ANKRD35: variants seen among roughly 807,000 people sequenced by gnomAD.
ANKRD35 encodes the protein ankyrin repeat domain-containing protein 35.
ANKRD35 carries 102 observed loss-of-function variants against 109.9 expected under a neutral mutation model. The ratio of observed to expected loss-of-function variants is 0.93; its 90% confidence interval spans 0.79 to 1.09. ANKRD35 has a LOEUF of 1.09. Ranked by LOEUF, ANKRD35 falls within the 50% of genes least tolerant of loss-of-function variation. The pLI is 0.00. For synonymous variants in ANKRD35, 515 were observed against 512.4 expected (o/e 1.01, Z -0.07); for missense variants, 1,240 against 1,230.1 (o/e 1.01, Z -0.12).
rs1653866121 is a variant in ANKRD35 at position 145,872,437 on chromosome 1, G to A, written c.2332C>T (p.Gln778Ter). Residue 778 changes from glutamine to a stop codon, truncating the protein, a stop_gained, in exon 10 of 14, where the codon CAA becomes TAA. Coordinates refer to ENST00000355594, the MANE Select transcript of ANKRD35 (RefSeq NM_144698.5). LOFTEE classifies it high-confidence loss of function. ...GTSLKAPASP[Q>*]VAALEQDLGK... is the part of the protein sequence containing the mutation. ...AGGTCTTGCTCCAGAGCGGCCACTT[G>A]GGGGGATGCTGGGGCCTTTAAGGAG... 5 of 1,611,166 alleles carry A rather than the reference G, an allele frequency of 3.1e-6. No homozygotes were observed. In the East Asian group the frequency reaches 1.1e-4, roughly 36 times the overall value.
At position 145,879,246 on chromosome 1, in the gene ANKRD35, G is replaced by A. The variant is rs781952261; in HGVS notation, c.170+12C>T. 2 of 1,591,196 alleles carry A rather than the reference G, an allele frequency of 1.3e-6. No individual in the cohort carries two copies. Among genetic ancestry groups the A allele is most frequent in the Non-Finnish European group, 1.7e-6 (2 of 1,168,522 alleles). ...CCACATGTAAGGGGCAGGGGCAGGA[G>A]GACTGACTTACGGGGACTGGCCATT... On this transcript the variant is annotated intron_variant, in intron 2 of 13. Transcript: ENST00000355594.
At chr1:145,878,082 G>A in intron 3 of ANKRD35, 50 bp from the exon 4 acceptor site, 1 of 1,526,544 alleles carries the variant, frequency 6.6e-7, no homozygotes, top group Non-Finnish European at 9.1e-7. Context: ...CATGCATGCT[G>A]ATGACTCACA....
At position 145,867,277 on chromosome 1, in the gene ANKRD35, C is replaced by T. The variant is rs1317176863; in HGVS notation, c.*43+10G>A. The T allele has an allele frequency of 4.0e-5, 62 of 1,564,274 alleles. No homozygotes were observed. In the East Asian group the frequency reaches 1.3e-3, roughly 34 times the overall value. ...ACTCCTTCCCTCATCACCCTTAACCCACAACTCACAACAGAGAATCTCGTA... is the reference window on the plus strand; with the variant it reads ...ACTCCTTCCCTCATCACCCTTAACCTACAACTCACAACAGAGAATCTCGTA... On this transcript the variant is annotated intron_variant, in intron 13 of 13. Transcript: ENST00000355594.
At position 145,870,800 on chromosome 1, in the gene ANKRD35, A is replaced by G. The variant is rs587701138; in HGVS notation, c.2787+1182T>C. 2.1e-4 allele frequency among the ~76,000 whole-genome samples: 32 copies of G among 151,744 alleles called. No homozygotes were observed. In the South Asian group the frequency reaches 2.7e-3, roughly 13 times the overall value. ...AGTGGTGCGATCTTGGCTCACTGCA[A>G]CCTCCACCTCCCAGGTTCCAGTGAT... On this transcript the variant is annotated intron_variant, in intron 10 of 13. Coordinates refer to ENST00000355594, the MANE Select transcript of ANKRD35 (RefSeq NM_144698.5).
At position 145,873,156 on chromosome 1, in the gene ANKRD35, T is replaced by C. The variant is rs1553739255; in HGVS notation, c.1613A>G (p.Glu538Gly). Residue 538 changes from glutamate (E) to glycine (G), a missense_variant, in exon 10 of 14, where the codon GAA becomes GGA. Transcript: ENST00000355594. ...TGCCAGCACCCGCTCCAGTCGGGCT[T>C]CCATCTTCTCCCAGGCAGCTGCTGC... ...EAAAAAWEKM[E>G]ARLERVLARL... is the part of the protein sequence containing the mutation. 6.2e-7 allele frequency: 1 copy of C among 1,614,076 alleles called. No individual in the cohort carries two copies.
rs781869505 is a variant in ANKRD35, at chr1:145,872,759, T to C, written c.2010A>G (p.Arg670=). ...CATTTGTCAGCAGCCCCACACTCTGTCGCAACTGCTGTAGCTGGACCTGCG... is the reference window on the plus strand; with the variant it reads ...CATTTGTCAGCAGCCCCACACTCTGCCGCAACTGCTGTAGCTGGACCTGCG... ...PQAQVQLQQL[R]QSVGLLTNEL... Residue 670 remains arginine (R), a synonymous_variant, in exon 10 of 14, where the codon CGA becomes CGG. Coordinates refer to ENST00000355594, the MANE Select transcript of ANKRD35 (RefSeq NM_144698.5). 1.2e-6 allele frequency: 2 copies of C among 1,614,124 alleles called. No individual in the cohort carries two copies. Among genetic ancestry groups the C allele is most frequent in the South Asian group, 2.2e-5 (2 of 91,086 alleles).
At position 145,873,167 on chromosome 1, in the gene ANKRD35, C is replaced by T. The variant is rs930993509; in HGVS notation, c.1602G>A (p.Trp534Ter). ...TPRAEAAAAA[W>*]EKMEARLERV... The stretch of plus-strand genomic sequence containing the variant: ...GCTCCAGTCGGGCTTCCATCTTCTC[C>T]CAGGCAGCTGCTGCTGCCTCAGCAC... Residue 534 changes from tryptophan (W) to a stop codon, truncating the protein, a stop_gained, in exon 10 of 14, where the codon TGG (tryptophan) becomes TGA (stop). Transcript: ENST00000355594. LOFTEE classifies it high-confidence loss of function. The T allele has an allele frequency of 6.2e-7, 1 of 1,614,136 alleles. No homozygotes were observed. The highest frequency in any genetic ancestry group is 1.7e-5 in the Admixed American group (1 of 60,030).
At chr1:145,871,509 C>T (rs1553738647) in intron 10 of ANKRD35, among the ~76,000 whole-genome samples, 1 of 152,082 alleles carries the variant, frequency 6.6e-6, no homozygotes, top group Non-Finnish European at 1.5e-5. Flanking sequence ...CAATGGACAT[C>T]GTTTTGTAGA....
At position 145,885,768 on chromosome 1, in the gene ANKRD35, C is replaced by A. The variant is rs782653003; in HGVS notation, c.-10G>T. 6.2e-7 allele frequency: 1 copy of A among 1,611,092 alleles called. No homozygotes were observed. Among genetic ancestry groups the A allele is most frequent in the South Asian group, 1.1e-5 (1 of 90,968 alleles). Reference sequence around the variant, plus strand: ...AGAAGATACGCTTCATGGCCGGGGTCGGGGCCACGGGGGATGGGGACGCGC... The same window carrying A: ...AGAAGATACGCTTCATGGCCGGGGTAGGGGCCACGGGGGATGGGGACGCGC... On this transcript the variant is annotated 5_prime_UTR_variant, in exon 1 of 14. Transcript: ENST00000355594.
At chr1:145,884,271 A>G (rs1195829490) in intron 1 of ANKRD35, among the ~76,000 whole-genome samples, 1 of 152,206 alleles carries the variant, frequency 6.6e-6, no homozygotes, top group African/African-American at 2.4e-5. Flanking sequence ...TGGTGCATAT[A>G]ATAGTAAATA....
rs1413758817 is a variant in ANKRD35 at position 145,874,289 on chromosome 1, C to T, written c.746-97G>A. 1.1e-5 allele frequency: 15 copies of T among 1,339,136 alleles called. No homozygotes were observed. The South Asian group carries it at 1.2e-4, about 11-fold the overall frequency. The allele number at this position is 1,339,136 out of a possible 1,614,324, so 83.0% of individuals were successfully genotyped here. A position where few individuals can be genotyped will look rare whatever the true frequency, so the allele number is the denominator to read the frequency against. ...TCAGACTTTTTCTGAGAGGAGTGGC[C>T]TCTCTGTGATCAATCTCACTGCACA... On this transcript the variant is annotated intron_variant, in intron 8 of 13. Transcript: ENST00000355594.
At chr1:145,882,539 G>A (rs938855496) in intron 1 of ANKRD35, among the ~76,000 whole-genome samples, 24 of 145,998 alleles carry the variant, frequency 1.6e-4, no homozygotes, top group Non-Finnish European at 3.0e-4. Flanking sequence ...GTGATCCTCC[G>A]CACCTCAGCC....
chr1:145,878,264 C>T, intron 3 of ANKRD35, 127 bp downstream of exon 3: 3 of 1,095,694 alleles, frequency 2.7e-6, no homozygotes, highest in East Asian at 5.2e-5. Flanking sequence ...AGGATGCTGG[C>T]CAGAACTTAC....
intron 10 of ANKRD35, among the ~76,000 whole-genome samples, chr1:145,868,654 C>T (rs1653694488): frequency 6.6e-6 from 1 of 152,142 alleles, no homozygotes; most frequent in Admixed American, 6.5e-5. Context: ...TGAACTATAC[C>T]CCTTCCAGTT....
rs782512174 is a variant in ANKRD35, at chr1:145,873,171, G to A, written c.1598C>T (p.Ala533Val). 1.2e-6 allele frequency: 2 copies of A among 1,614,010 alleles called. No homozygotes were observed. The highest frequency in any genetic ancestry group is 1.7e-6 in the Non-Finnish European group (2 of 1,179,998). The change falls in exon 10 of 14, where the codon GCC (alanine) becomes GTC (valine). Residue 533 changes from alanine to valine, a missense_variant. Physicochemically the swap from Ala to Val is moderately conservative, Grantham distance 64. Transcript: ENST00000355594. ...CAGTCGGGCTTCCATCTTCTCCCAG[G>A]CAGCTGCTGCTGCCTCAGCACGGGG... ...GTPRAEAAAA[A>V]WEKMEARLER...
chr1:145,876,962 A>C, intron 4 of ANKRD35, 89 bp from the exon 5 acceptor site: 1 of 1,398,920 alleles, frequency 7.1e-7, no homozygotes, highest in Non-Finnish European at 1.0e-6. Context: ...TTCCATGGTA[A>C]TATGAGGAGG....
rs1410126324 is a variant in ANKRD35, at chr1:145,872,036, C to T, written c.2733G>A (p.Leu911=). 6.2e-7 allele frequency: 1 copy of T among 1,613,566 alleles called. No homozygotes were observed. The highest frequency in any genetic ancestry group is 1.3e-5 in the African/African-American group (1 of 75,058). The part of the protein sequence containing the change: ...RSEQFEKTAE[L]LKEKMEHLIG... ...TGAGATGCTCCATCTTCTCTTTCAG[C>T]AGCTCTGCCGTTTTCTCAAACTGCT... The change falls in exon 10 of 14, where the codon CTG becomes CTA. Residue 911 remains leucine (L), a synonymous_variant. Transcript: ENST00000355594.
In ANKRD35 at chr1:145,879,373, G is replaced by A. The variant is rs190625558; in HGVS notation, c.55C>T (p.Arg19Cys). The change falls in exon 2 of 14, where the codon CGC (arginine) becomes TGC (cysteine). Residue 19 changes from arginine (R) to cysteine (C), a missense_variant. Coordinates refer to ENST00000355594, the MANE Select transcript of ANKRD35 (RefSeq NM_144698.5). ...GCCTCCAGCAGCTTCTGATCATGGC[G>A]GTTCCATCTCTCCACCTGGTCCAGA... The part of the protein sequence containing the change: ...STQVAVERWN[R>C]HDQKLLEAVH... The A allele has an allele frequency of 3.7e-5, 59 of 1,582,790 alleles. No individual in the cohort carries two copies. The East Asian group carries it at 8.0e-4, about 21-fold the overall frequency.
At position 145,873,193 on chromosome 1, in the gene ANKRD35, G is replaced by C; in HGVS notation, c.1576C>G (p.Arg526Gly). 1 of 1,614,046 alleles carries C rather than the reference G, an allele frequency of 6.2e-7. No individual in the cohort carries two copies. ...CAGGCAGCTGCTGCTGCCTCAGCAC[G>C]GGGAGTCCCCAGGGCTCCCTCCATG... ...PVMEGALGTP[R>G]AEAAAAAWEK... The change falls in exon 10 of 14, where the codon CGT becomes GGT. Residue 526 changes from arginine to glycine, a missense_variant. Transcript: ENST00000355594.
Sources: gnomAD v4.1 joint callset for allele counts (sites outside exome capture counted in the v4.1 genomes callset) on GRCh38, gnomAD v4.1.1 for gene constraint, MANE v1.5 for transcripts, NCBI Gene and HGNC (gene_info 2026-07-23, HGNC 2026-07-21) for gene names.